Variants in ATP5MC3 observed in about 807,000 individuals in gnomAD.
The protein encoded by ATP5MC3 is ATP synthase F(0) complex subunit C3, mitochondrial.
Under a neutral mutation model 15.6 loss-of-function variants are expected in ATP5MC3, and 6 were observed. That is an observed-to-expected ratio of 0.38 (90% confidence interval 0.21 to 0.76). The LOEUF (loss-of-function observed/expected upper bound fraction) is 0.76. ATP5MC3 is among the 30% of genes least tolerant of loss of function. ATP5MC3 has a pLI of 0.44. For missense variants in ATP5MC3, 132 were observed against 171.2 expected (o/e 0.77, Z 1.28); for synonymous variants, 66 against 63.3 (o/e 1.04, Z -0.20).
chr2:175,178,707 AAATT>A, intron 4 of ATP5MC3: 1 of 1,158,544 alleles, frequency 8.6e-7, no homozygotes, highest in Non-Finnish European at 1.1e-6. Context: ...TAAATAAAAT[AAATT>A]GATCCTTTTA....
intron 3 of ATP5MC3, chr2:175,179,512 A>C: frequency 2.5e-6 from 1 of 407,248 alleles, no homozygotes. Context: ...TTTTTTCTTA[A>C]AAGAGACAAG....
In ATP5MC3 at chr2:175,179,233, A is replaced by G. The variant is rs750617510; in HGVS notation, c.138T>C (p.Asn46=). The G allele has an allele frequency of 6.2e-7, 1 of 1,613,726 alleles. No individual in the cohort carries two copies. Among genetic ancestry groups the G allele is most frequent in the East Asian group, 2.2e-5 (1 of 44,874 alleles). The change falls in exon 4 of 5, where the codon AAT becomes AAC. Residue 46 remains asparagine (N), a synonymous_variant. Transcript: ENST00000284727. The part of the protein sequence containing the change: ...SRTGEGSTVF[N]GAQNGVSQLI... ...GCTGAGACACACCATTCTGGGCCCC[A>G]TTAAATACCGTAGAGCCCTGGAAAA... is the stretch of plus-strand genomic sequence containing the variant.
chr2:175,179,593 G>GAACT (rs1700739336), intron 3 of ATP5MC3: 2 of 210,808 alleles, frequency 9.5e-6, no homozygotes, highest in African/African-American at 4.7e-5. Context: ...CTATAGCCTT[G>GAACT]AACTCCTGGG....
chr2:175,178,772 T>C, intron 4 of ATP5MC3: 1 of 1,165,916 alleles, frequency 8.6e-7, no homozygotes, highest in East Asian at 3.7e-5. Flanking sequence ...CAATTAGGAA[T>C]GCAGACTCTG....
rs1289202634 is a variant in ATP5MC3, at chr2:175,176,368, T to TACAGC, written c.*1919_*1920insGCTGT. 1 of 151,812 alleles carries TACAGC rather than the reference T, an allele frequency of 6.6e-6. No homozygotes were observed. The highest frequency in any genetic ancestry group is 2.1e-4 in the South Asian group (1 of 4,812). The allele number at this position is 151,812 out of a possible 1,614,324, so 9.4% of individuals were successfully genotyped here. On this transcript the variant is annotated 3_prime_UTR_variant, in exon 5 of 5. Coordinates refer to ENST00000284727, the MANE Select transcript of ATP5MC3 (RefSeq NM_001689.5). ...ATACTATGTACTTTGTATTAAATAG[T>TACAGC]AGTTTCAGTAAGACATGTAAAATTT...
Position 175,178,027 on chromosome 2 carries a change from A to G in ATP5MC3, c.*261T>C, listed in dbSNP as rs544978451. The G allele has an allele frequency of 4.7e-5, 16 of 341,540 alleles. No homozygotes were observed. In the South Asian group the frequency reaches 1.1e-3, roughly 23 times the overall value. The allele number at this position is 341,540 out of a possible 1,614,324, so 21.2% of individuals were successfully genotyped here. A position where few individuals can be genotyped will look rare whatever the true frequency, so the allele number is the denominator to read the frequency against. On this transcript the variant is annotated 3_prime_UTR_variant, in exon 5 of 5. Coordinates refer to ENST00000284727, the MANE Select transcript of ATP5MC3 (RefSeq NM_001689.5). Reference sequence around the variant, plus strand: ...ATTCCCATAAAAATTACATTGGAATATTTTTCATCAGTGGAGCAACTGCTG... The same window carrying G: ...ATTCCCATAAAAATTACATTGGAATGTTTTTCATCAGTGGAGCAACTGCTG...
chr2:175,178,482 AGT>A, intron 4 of ATP5MC3, 80 bp from the exon 5 acceptor site: 2 of 1,505,836 alleles, frequency 1.3e-6, no homozygotes, highest in Non-Finnish European at 1.8e-6. Context: ...TCAGATTACT[AGT>A]GTGGGGATTT....
intron 4 of ATP5MC3, chr2:175,178,664 T>C (rs1700723951): frequency 2.5e-6 from 3 of 1,208,188 alleles, no homozygotes; most frequent in Non-Finnish European, 3.1e-6. Context: ...GAAAATATGA[T>C]CTATACCTTT....
chr2:175,178,873 A>G, intron 4 of ATP5MC3, 184 bp downstream of exon 4: 1 of 1,164,894 alleles, frequency 8.6e-7, no homozygotes, highest in South Asian at 2.0e-5. Context: ...TCCTTCATAG[A>G]TGTTATTCTC....
At chr2:175,180,209 T>C in intron 2 of ATP5MC3, 31 bp from the exon 3 acceptor site, 2 of 1,519,930 alleles carry the variant, frequency 1.3e-6, no homozygotes, top group Non-Finnish European at 1.8e-6. Context: ...AAGATTTCAA[T>C]ATTAAGAAAG....
chr2:175,178,704 A>C (rs1700724385), intron 4 of ATP5MC3: 1 of 1,160,574 alleles, frequency 8.6e-7, no homozygotes, highest in Admixed American at 4.2e-5. Context: ...TCTTAAATAA[A>C]ATAAATTGAT....
intron 2 of ATP5MC3, 114 bp downstream of exon 2, chr2:175,181,241 C>T (rs1280014107): frequency 7.8e-7 from 1 of 1,287,818 alleles, no homozygotes; most frequent in Non-Finnish European, 1.1e-6. Context: ...AAGGAGAAAG[C>T]CGTTCCCGAG....
At position 175,177,111 on chromosome 2, in the gene ATP5MC3, A is replaced by C. The variant is rs1266760184; in HGVS notation, c.*1177T>G. On this transcript the variant is annotated 3_prime_UTR_variant, in exon 5 of 5. Coordinates refer to ENST00000284727, the MANE Select transcript of ATP5MC3 (RefSeq NM_001689.5). ...ACTTAGTGACTCTCAAACAGTATGC[A>C]CAAAAACCACCTGGGAAGCCTTTTT... 2.0e-5 allele frequency: 3 copies of C among 152,170 alleles called. No homozygotes were observed. Among genetic ancestry groups the C allele is most frequent in the Non-Finnish European group, 4.4e-5 (3 of 68,022 alleles). The allele number at this position is 152,170 out of a possible 1,614,324, so 9.4% of individuals were successfully genotyped here. A position where few individuals can be genotyped will look rare whatever the true frequency, so the allele number is the denominator to read the frequency against.
In ATP5MC3 at chr2:175,178,184, G is replaced by T. The variant is rs899121394; in HGVS notation, c.*104C>A. 1.4e-5 allele frequency: 20 copies of T among 1,473,990 alleles called. No individual in the cohort carries two copies. Among genetic ancestry groups the T allele is most frequent in the Non-Finnish European group, 1.8e-5 (20 of 1,113,916 alleles). 91.3% of individuals were successfully genotyped at this position (1,473,990 alleles called of 1,614,324 possible). ...TTAATGAAATGACTTTGGAAATAACGTACATTCCCATGACACCAATACTAC... is the reference window on the plus strand; with the variant it reads ...TTAATGAAATGACTTTGGAAATAACTTACATTCCCATGACACCAATACTAC... On this transcript the variant is annotated 3_prime_UTR_variant, in exon 5 of 5. Coordinates refer to ENST00000284727, the MANE Select transcript of ATP5MC3 (RefSeq NM_001689.5).
At chr2:175,180,361 C>T (rs1700751820) in intron 2 of ATP5MC3, among the ~76,000 whole-genome samples, 183 bp from the exon 3 acceptor site, 1 of 152,134 alleles carries the variant, frequency 6.6e-6, no homozygotes, top group African/African-American at 2.4e-5. Context: ...AAGTTTCATG[C>T]TAATGAAATT....
At chr2:175,178,710 T>C (rs1216901282) in intron 4 of ATP5MC3, 2 of 1,157,058 alleles carry the variant, frequency 1.7e-6, no homozygotes, top group Non-Finnish European at 2.1e-6. Flanking sequence ...ATAAAATAAA[T>C]TGATCCTTTT....
chr2:175,178,768 G>A (rs987689673), intron 4 of ATP5MC3: 1 of 1,166,246 alleles, frequency 8.6e-7, no homozygotes, highest in African/African-American at 1.6e-5. Flanking sequence ...TTAACAATTA[G>A]GAATGCAGAC....
Position 175,178,218 on chromosome 2 carries a change from G to A in ATP5MC3, c.*70C>T. 3.2e-6 allele frequency: 5 copies of A among 1,541,608 alleles called. No homozygotes were observed. Among genetic ancestry groups the A allele is most frequent in the Non-Finnish European group, 4.3e-6 (5 of 1,150,378 alleles). ...CATGACACCAATACTACAGTTTTCGGAGTCACAGTAAGATACACAGAATTA... is the reference window on the plus strand; with the variant it reads ...CATGACACCAATACTACAGTTTTCGAAGTCACAGTAAGATACACAGAATTA... On this transcript the variant is annotated 3_prime_UTR_variant, in exon 5 of 5. Transcript: ENST00000284727.
chr2:175,178,235 A>C lies in ATP5MC3; in HGVS notation c.*53T>G. The C allele has an allele frequency of 6.3e-7, 1 of 1,581,846 alleles. No individual in the cohort carries two copies. Among genetic ancestry groups the C allele is most frequent in the Non-Finnish European group, 8.6e-7 (1 of 1,168,662 alleles). On this transcript the variant is annotated 3_prime_UTR_variant, in exon 5 of 5. Coordinates refer to ENST00000284727, the MANE Select transcript of ATP5MC3 (RefSeq NM_001689.5). ...AGTTTTCGGAGTCACAGTAAGATAC[A>C]CAGAATTACATCCGTAATTAATATG... is the stretch of plus-strand genomic sequence containing the variant.
Sources: gnomAD v4.1 joint callset for allele counts (sites outside exome capture counted in the v4.1 genomes callset) on GRCh38, gnomAD v4.1.1 for gene constraint, MANE v1.5 for transcripts, NCBI Gene and HGNC (gene_info 2026-07-23, HGNC 2026-07-21) for gene names.